AFG2A: variants seen among roughly 807,000 people sequenced by gnomAD.
The protein encoded by AFG2A is AAA ATPase AFG2A, also known as ATPase family gene 2 protein homolog A.
chr4:123,033,622 AGACTGAT>A, the AFG2A span, among the ~76,000 whole-genome samples: 1 of 152,216 alleles, frequency 6.6e-6, no homozygotes, highest in East Asian at 1.9e-4. Context: ...GCCTGGAAAA[AGACTGAT>A]GGTGGGATAA....
the AFG2A span, among the ~76,000 whole-genome samples, chr4:123,094,166 T>A: frequency 1.3e-5 from 2 of 152,184 alleles, no homozygotes; most frequent in Non-Finnish European, 2.9e-5. Flanking sequence ...CAGGGGATCT[T>A]TCTTTTTAAG....
the AFG2A span, among the ~76,000 whole-genome samples, chr4:123,026,105 A>ATG: frequency 3.5e-3 from 515 of 149,232 alleles, 6 homozygotes; most frequent in South Asian, 6.0e-3. Context: ...GTGTATGTGT[A>ATG]TGTGTGTGTG....
At chr4:123,183,983 A>T in the AFG2A span, among the ~76,000 whole-genome samples, 2 of 148,116 alleles carry the variant, frequency 1.4e-5, no homozygotes, top group South Asian at 4.3e-4. Flanking sequence ...TATGGTAGAG[A>T]TGGGGTCTTG....
the AFG2A span, among the ~76,000 whole-genome samples, chr4:123,197,315 C>T: frequency 1.2e-4 from 18 of 152,120 alleles, no homozygotes; most frequent in African/African-American, 1.9e-4. Context: ...TAACAATTTC[C>T]GTTACTTCTT....
the AFG2A span, among the ~76,000 whole-genome samples, chr4:122,970,213 A>G: frequency 6.6e-6 from 1 of 152,184 alleles, no homozygotes. Flanking sequence ...CTTTTATACT[A>G]TATTTTTACT....
At chr4:123,043,685 A>G in the AFG2A span, among the ~76,000 whole-genome samples, 2 of 152,178 alleles carry the variant, frequency 1.3e-5, no homozygotes, top group Admixed American at 1.3e-4. Context: ...ATTTTTAAAG[A>G]TTAAGAAACA....
chr4:123,150,486 CAGAG>C, the AFG2A span, among the ~76,000 whole-genome samples: 4 of 152,132 alleles, frequency 2.6e-5, no homozygotes, highest in East Asian at 1.9e-4. Flanking sequence ...CAATAATAAA[CAGAG>C]AGCCAAATCA....
the AFG2A span, among the ~76,000 whole-genome samples, chr4:123,114,207 A>G: frequency 6.6e-6 from 1 of 151,960 alleles, no homozygotes; most frequent in African/African-American, 2.4e-5. Context: ...GTGCATGCCG[A>G]TTGGTCCATG....
the AFG2A span, among the ~76,000 whole-genome samples, chr4:123,101,674 G>A: frequency 6.6e-6 from 1 of 151,838 alleles, no homozygotes. Flanking sequence ...AGTGCTTTGG[G>A]CACAGACCTT....
At chr4:123,189,089 A>G in the AFG2A span, among the ~76,000 whole-genome samples, 2 of 152,092 alleles carry the variant, frequency 1.3e-5, no homozygotes, top group Non-Finnish European at 2.9e-5. Flanking sequence ...TAAAAGCCTT[A>G]ATTTCTTAGT....
chr4:123,233,382 T>G, the AFG2A span, among the ~76,000 whole-genome samples: 1 of 152,006 alleles, frequency 6.6e-6, no homozygotes, highest in East Asian at 1.9e-4. Flanking sequence ...ATGTCATCCA[T>G]CTGTTCTGGT....
At chr4:123,054,992 T>C in the AFG2A span, among the ~76,000 whole-genome samples, 2 of 152,204 alleles carry the variant, frequency 1.3e-5, no homozygotes, top group Admixed American at 1.3e-4. Flanking sequence ...CTTTCATTAA[T>C]ACCTCTGTTA....
At chr4:123,221,575 G>C in the AFG2A span, among the ~76,000 whole-genome samples, 1 of 152,120 alleles carries the variant, frequency 6.6e-6, no homozygotes. Context: ...ATATTGGATT[G>C]AATATATTAC....
chr4:123,152,755 A>G, the AFG2A span, among the ~76,000 whole-genome samples: 1 of 152,178 alleles, frequency 6.6e-6, no homozygotes, highest in Non-Finnish European at 1.5e-5. Context: ...GCTCCTTGGT[A>G]CTTACCAAAA....
chr4:123,286,664 CT>C, the AFG2A span, among the ~76,000 whole-genome samples: 1 of 152,202 alleles, frequency 6.6e-6, no homozygotes, highest in East Asian at 1.9e-4. Flanking sequence ...GGAAACATCA[CT>C]TTTTCACAAA....
chr4:122,923,230 G>A, the AFG2A span: 1 of 1,614,232 alleles, frequency 6.2e-7, no homozygotes. Flanking sequence ...TTGTGCGGAG[G>A]CACGGGCTCC....
the AFG2A span, among the ~76,000 whole-genome samples, chr4:123,108,352 C>T: frequency 6.6e-6 from 1 of 151,694 alleles, no homozygotes; most frequent in East Asian, 1.9e-4. Flanking sequence ...ATCTAATTTT[C>T]ATAAATATAA....
chr4:122,929,283 T>C, the AFG2A span: 1 of 1,416,460 alleles, frequency 7.1e-7, no homozygotes, highest in African/African-American at 1.5e-5. Flanking sequence ...CATATGTAAT[T>C]TTGCATTTTC....
the AFG2A span, among the ~76,000 whole-genome samples, chr4:122,958,319 G>A: frequency 1.3e-5 from 2 of 152,164 alleles, no homozygotes; most frequent in African/African-American, 4.8e-5. Flanking sequence ...TTTTCAGGAG[G>A]TGTTTTCATT....
Sources: allele counts gnomAD v4.1 joint callset (sites outside exome capture counted in the v4.1 genomes callset), GRCh38; gene constraint gnomAD v4.1.1; transcripts MANE v1.5; gene names NCBI Gene and HGNC (gene_info 2026-07-23, HGNC 2026-07-21).